The following GPR141 variants were observed in gnomAD, a reference collection of about 807,000 sequenced individuals.
GPR141 encodes G protein-coupled receptor 141.
A neutral mutation model predicts 6.8 loss-of-function variants in GPR141; 6 were observed. The ratio of observed to expected loss-of-function variants is 0.88; its 90% CI spans 0.48 to 1.74. The LOEUF is 1.74. GPR141 is among the 40% of genes most tolerant of loss of function. The pLI is 0.01. For synonymous variants in GPR141, 140 were observed against 142.3 expected (o/e 0.98, Z 0.11); for missense variants, 372 against 372.9 (o/e 1.00, Z 0.02).
intron 2 of GPR141, among the ~76,000 whole-genome samples, chr7:37,729,425 A>G (rs1226877564): frequency 6.6e-6 from 1 of 152,234 alleles, no homozygotes; most frequent in East Asian, 1.9e-4. Flanking sequence ...TTGTTGGTCT[A>G]GATCCAAATG....
chr7:37,707,962 C>T (rs1810600478), intron 2 of GPR141, among the ~76,000 whole-genome samples: 1 of 152,156 alleles, frequency 6.6e-6, no homozygotes, highest in Non-Finnish European at 1.5e-5. Flanking sequence ...AACAACACCA[C>T]AGACTGCCTC....
At chr7:37,723,141 T>A (rs2131822696) in intron 2 of GPR141, among the ~76,000 whole-genome samples, 1 of 151,968 alleles carries the variant, frequency 6.6e-6, no homozygotes, top group East Asian at 1.9e-4. Context: ...TACAGGAGTG[T>A]GTTACCACAC....
chr7:37,740,238 G>A lies in GPR141; in HGVS notation c.-14-142G>A, dbSNP rs1812463931. On this transcript the variant is annotated intron_variant, in intron 2 of 2. Transcript: ENST00000334425. ...GTCTAGGGTATGCAAACATTCATAG[G>A]AAATAATCTTCATTCTTAAAGCATG... 3 of 644,610 alleles carry A rather than the reference G, an allele frequency of 4.7e-6. No individual in the cohort carries two copies. The East Asian group carries it at 7.7e-5, about 16-fold the overall frequency. 39.9% of individuals were successfully genotyped at this position (644,610 alleles called of 1,614,324 possible).
At chr7:37,707,000 C>T (rs1810554331) in intron 2 of GPR141, among the ~76,000 whole-genome samples, 1 of 152,000 alleles carries the variant, frequency 6.6e-6, no homozygotes, top group Non-Finnish European at 1.5e-5. Context: ...CTGCCTCTTC[C>T]TCTTTCCCTT....
At chr7:37,699,213 T>C (rs974064063) in intron 2 of GPR141, among the ~76,000 whole-genome samples, 1 of 152,214 alleles carries the variant, frequency 6.6e-6, no homozygotes, top group East Asian at 1.9e-4. Flanking sequence ...ATAAAGTTTG[T>C]AGTAGGACTA....
chr7:37,718,041 T>C (rs1188781877), intron 2 of GPR141, among the ~76,000 whole-genome samples: 1 of 151,984 alleles, frequency 6.6e-6, no homozygotes, highest in Non-Finnish European at 1.5e-5. Flanking sequence ...TTATAACTAG[T>C]AAGGGTGATT....
At chr7:37,731,771 T>A (rs1190179870) in intron 2 of GPR141, among the ~76,000 whole-genome samples, 1 of 152,200 alleles carries the variant, frequency 6.6e-6, no homozygotes, top group Non-Finnish European at 1.5e-5. Flanking sequence ...AATTTTTTTG[T>A]CCCATTAGGA....
At chr7:37,706,768 C>T (rs1810542228) in intron 2 of GPR141, among the ~76,000 whole-genome samples, 1 of 152,148 alleles carries the variant, frequency 6.6e-6, no homozygotes, top group Non-Finnish European at 1.5e-5. Context: ...ATATCATTGC[C>T]TCTCTATATG....
chr7:37,703,034 A>G (rs945889206), intron 2 of GPR141, among the ~76,000 whole-genome samples: 5 of 152,054 alleles, frequency 3.3e-5, no homozygotes, highest in Admixed American at 6.6e-5. Context: ...TTTCAAATGT[A>G]TCCTCCATAT....
intron 2 of GPR141, among the ~76,000 whole-genome samples, chr7:37,700,150 T>G (rs1462765316): frequency 6.6e-6 from 1 of 152,254 alleles, no homozygotes; most frequent in Non-Finnish European, 1.5e-5. Context: ...TTTTTACAAA[T>G]TATTCAATTG....
chr7:37,710,306 T>C (rs1365434882), intron 2 of GPR141, among the ~76,000 whole-genome samples: 2 of 152,178 alleles, frequency 1.3e-5, no homozygotes, highest in African/African-American at 4.8e-5. Flanking sequence ...AAACCCCATG[T>C]ACCCATTACT....
chr7:37,685,368 G>T (rs144868322), intron 1 of GPR141, 92 bp from the exon 2 acceptor site: 2,597 of 92,114 alleles, frequency 0.028, 143 homozygotes, highest in Admixed American at 0.16. Context: ...CTTCCTTCCT[G>T]CCTGCCTGCC....
chr7:37,729,359 TC>T lies in GPR141; in HGVS notation c.-14-11017del, dbSNP rs571537211. 3.2e-3 allele frequency among the ~76,000 whole-genome samples: 490 copies of T among 152,270 alleles called. 3 individuals are homozygous for T. The highest frequency in any genetic ancestry group is 0.011 in the African/African-American group (469 of 41,542). ...ACAGCCAGCCAGAGAGGCAGCCCTG[TC>T]CCCTGAGAGAGCTGGCTCTGGGTTT... On this transcript the variant is annotated intron_variant, in intron 2 of 2. Transcript: ENST00000334425.
intron 2 of GPR141, among the ~76,000 whole-genome samples, chr7:37,708,322 A>AAAC (rs2084922459): frequency 6.6e-6 from 1 of 151,106 alleles, no homozygotes; most frequent in African/African-American, 2.4e-5. Context: ...AAAAAAAAAA[A>AAAC]AAAAAAAAAA....
chr7:37,718,514 AGG>A (rs1811153561), intron 2 of GPR141, among the ~76,000 whole-genome samples: 1 of 72,494 alleles, frequency 1.4e-5, no homozygotes, highest in East Asian at 6.1e-4. Flanking sequence ...TCTGTCTCGA[AGG>A]AAGGAAGAAA....
intron 2 of GPR141, among the ~76,000 whole-genome samples, chr7:37,720,094 G>C (rs1378192930): frequency 6.6e-6 from 1 of 151,830 alleles, no homozygotes; most frequent in African/African-American, 2.4e-5. Context: ...TGAAAGAAAA[G>C]GGTTCCAGGG....
intron 2 of GPR141, among the ~76,000 whole-genome samples, chr7:37,705,859 C>A (rs1358483561): frequency 6.6e-6 from 1 of 152,070 alleles, no homozygotes; most frequent in Non-Finnish European, 1.5e-5. Flanking sequence ...AATCCGGATG[C>A]CATGAGAAAA....
At chr7:37,717,850 G>A (rs376639944) in intron 2 of GPR141, among the ~76,000 whole-genome samples, 250 of 152,188 alleles carry the variant, frequency 1.6e-3, no homozygotes, top group African/African-American at 5.3e-3. Flanking sequence ...CATCTCTTGG[G>A]CAAACACATA....
chr7:37,692,780 C>G (rs1040576784), intron 2 of GPR141, among the ~76,000 whole-genome samples: 4 of 152,156 alleles, frequency 2.6e-5, no homozygotes, highest in African/African-American at 9.7e-5. Flanking sequence ...TGTTTGATGG[C>G]CACATAAATG....
Sources: allele counts gnomAD v4.1 joint callset (sites outside exome capture counted in the v4.1 genomes callset), GRCh38; gene constraint gnomAD v4.1.1; transcripts MANE v1.5; gene names NCBI Gene and HGNC (gene_info 2026-07-23, HGNC 2026-07-21).